The following AK7 variants were observed in gnomAD, a reference collection of about 807,000 sequenced individuals.
AK7 encodes the protein ATP-AMP transphosphorylase 7.
Under a neutral mutation model 96.6 loss-of-function variants are expected in AK7, and 78 were observed. That is an observed-to-expected ratio of 0.81 (90% CI 0.67 to 0.97). AK7 has a LOEUF of 0.97. Ranked by LOEUF, AK7 falls within the 50% of genes least tolerant of loss-of-function variation. The pLI, the probability that AK7 is intolerant of heterozygous loss-of-function variation, is 0.00. For missense variants in AK7, 855 were observed against 887.9 expected, an observed-to-expected ratio of 0.96 and a Z score of 0.47; for synonymous variants, 302 against 317.2, an observed-to-expected ratio of 0.95 and a Z score of 0.51.
chr14:96,425,203 C>T (rs1017273590), intron 5 of AK7, among the ~76,000 whole-genome samples: 1 of 152,092 alleles, frequency 6.6e-6, no homozygotes, highest in African/African-American at 2.4e-5. Flanking sequence ...CAGTTAGATC[C>T]GATTATGGCC....
At chr14:96,487,780 T>C (rs900181212) in intron 17 of AK7, among the ~76,000 whole-genome samples, 1 of 152,168 alleles carries the variant, frequency 6.6e-6, no homozygotes, top group East Asian at 1.9e-4. Context: ...ATTATGTTTC[T>C]GGTTCTTTGG....
intron 7 of AK7, 96 bp downstream of exon 7, chr14:96,442,914 C>T (rs1439924370): frequency 4.7e-6 from 5 of 1,072,214 alleles, no homozygotes; most frequent in Admixed American, 3.6e-5. Flanking sequence ...TGCTAAGACC[C>T]TTACATGGAT....
chr14:96,472,605 C>T, intron 13 of AK7, 82 bp from the exon 14 acceptor site: 2 of 1,060,126 alleles, frequency 1.9e-6, no homozygotes, highest in Non-Finnish European at 2.8e-6. Flanking sequence ...GTGCTTGCTA[C>T]TTAAGATATT....
chr14:96,483,294 C>T lies in AK7; in HGVS notation c.1974+75C>T, dbSNP rs1895607782. On this transcript the variant is annotated intron_variant, in intron 16 of 17. Coordinates refer to ENST00000267584, the MANE Select transcript of AK7 (RefSeq NM_152327.5). ...CGGTGCCTGGCAAAGCCATTTAGGC[C>T]AGTTCCACTTCCCATCCTGCTCTAG... The T allele has an allele frequency of 3.5e-6, 5 of 1,423,926 alleles. No individual in the cohort carries two copies. The South Asian group carries it at 6.5e-5, about 18-fold the overall frequency. The allele number at this position is 1,423,926 out of a possible 1,614,324, so 88.2% of individuals were successfully genotyped here.
At chr14:96,461,294 A>G (rs1028310510) in intron 12 of AK7, among the ~76,000 whole-genome samples, 1 of 152,218 alleles carries the variant, frequency 6.6e-6, no homozygotes, top group African/African-American at 2.4e-5. Context: ...CTACAAAAAA[A>G]AGTCTAGCAG....
intron 14 of AK7, among the ~76,000 whole-genome samples, chr14:96,477,009 C>A (rs1895223646): frequency 6.6e-6 from 1 of 152,180 alleles, no homozygotes; most frequent in Non-Finnish European, 1.5e-5. Flanking sequence ...TGTTGACATC[C>A]TTTTGATTTC....
At chr14:96,482,224 CCT>C in intron 15 of AK7, among the ~76,000 whole-genome samples, 1 of 151,732 alleles carries the variant, frequency 6.6e-6, no homozygotes, top group South Asian at 2.1e-4. Flanking sequence ...ATGGGGAGAC[CCT>C]GTCTCTATAA....
In AK7 at chr14:96,404,356, C is replaced by T. The variant is rs1310522161; in HGVS notation, c.295-401C>T. Among the ~76,000 whole-genome samples the T allele has an allele frequency of 2.0e-5, 3 of 152,168 alleles. No homozygotes were observed. The East Asian group carries it at 5.8e-4, about 29-fold the overall frequency. On this transcript the variant is annotated intron_variant, in intron 2 of 17. Coordinates refer to ENST00000267584, the MANE Select transcript of AK7 (RefSeq NM_152327.5). ...TGAGAATTCTATGACAATCCACATTCATCATTCATCAGCACTTCTGAGTGA... is the reference window on the plus strand; with the variant it reads ...TGAGAATTCTATGACAATCCACATTTATCATTCATCAGCACTTCTGAGTGA...
intron 5 of AK7, among the ~76,000 whole-genome samples, chr14:96,426,539 A>C (rs1892039478): frequency 6.6e-6 from 1 of 152,128 alleles, no homozygotes; most frequent in Non-Finnish European, 1.5e-5. Flanking sequence ...ATTGTTCATT[A>C]ATGTCTTTTT....
At chr14:96,423,891 G>A in intron 5 of AK7, 2 of 988,586 alleles carry the variant, frequency 2.0e-6, no homozygotes, top group Non-Finnish European at 1.6e-6. Context: ...GGGAGACCCC[G>A]AGCCCACATA....
chr14:96,461,131 A>C (rs925776027), intron 12 of AK7, among the ~76,000 whole-genome samples: 8 of 152,210 alleles, frequency 5.3e-5, no homozygotes, highest in Non-Finnish European at 8.8e-5. Flanking sequence ...CTGCCTTCCC[A>C]TAAGACATTT....
rs1895935279 is a variant in AK7, at chr14:96,489,159, A to G, written c.*816A>G. ...TAATGTAACCTAATATAACTGCCCG[A>G]CTTTTTATTTGTGCTAAAATACATG... On this transcript the variant is annotated 3_prime_UTR_variant, in exon 18 of 18. Transcript: ENST00000267584. 6.6e-6 allele frequency: 1 copy of G among 152,216 alleles called. No homozygotes were observed. Among genetic ancestry groups the G allele is most frequent in the Admixed American group, 6.5e-5 (1 of 15,276 alleles). The allele number at this position is 152,216 out of a possible 1,614,324, so 9.4% of individuals were successfully genotyped here. A position where few individuals can be genotyped will look rare whatever the true frequency, so the allele number is the denominator to read the frequency against.
At chr14:96,412,654 C>G (rs941573628) in intron 4 of AK7, among the ~76,000 whole-genome samples, 1 of 151,888 alleles carries the variant, frequency 6.6e-6, no homozygotes, top group Admixed American at 6.6e-5. Context: ...CAGCCTCCAC[C>G]TCCCAGGTTC....
intron 5 of AK7, chr14:96,424,243 G>A: frequency 2.3e-6 from 1 of 440,296 alleles, no homozygotes; most frequent in Non-Finnish European, 4.1e-6. Flanking sequence ...GCGCGCAGCC[G>A]GGAGTGCCGC....
intron 6 of AK7, 94 bp from the exon 7 acceptor site, chr14:96,442,636 C>A (rs1338003067): frequency 1.1e-6 from 1 of 923,622 alleles, no homozygotes; most frequent in Non-Finnish European, 1.8e-6. Flanking sequence ...GATAGCTAGG[C>A]CTTTCAGTTG....
At chr14:96,406,377 C>T (rs1457665553) in intron 3 of AK7, among the ~76,000 whole-genome samples, 1 of 152,240 alleles carries the variant, frequency 6.6e-6, no homozygotes, top group East Asian at 1.9e-4. Context: ...CAAGCTTTGA[C>T]ACTGCATTTC....
intron 4 of AK7, among the ~76,000 whole-genome samples, chr14:96,415,766 A>G (rs1456182065): frequency 6.9e-6 from 1 of 145,382 alleles, no homozygotes; most frequent in East Asian, 1.9e-4. Context: ...TTAATACATT[A>G]ATTAATTAAA....
chr14:96,396,335 G>A (rs985776169), intron 1 of AK7, among the ~76,000 whole-genome samples: 1 of 152,162 alleles, frequency 6.6e-6, no homozygotes, highest in Non-Finnish European at 1.5e-5. Context: ...GGGAATATGA[G>A]GAATATAAGA....
At chr14:96,415,728 T>TTTTAATACATTAATTAAATTAATTAA (rs1219787682) in intron 4 of AK7, among the ~76,000 whole-genome samples, 24 of 111,258 alleles carry the variant, frequency 2.2e-4, no homozygotes, top group East Asian at 8.5e-4. Flanking sequence ...TATTAATAAA[T>TTTTAATACATTAATTAAATTAATTAA]TTTAATACAT....
Sources: gnomAD v4.1 joint callset for allele counts (sites outside exome capture counted in the v4.1 genomes callset) on GRCh38, gnomAD v4.1.1 for gene constraint, MANE v1.5 for transcripts, NCBI Gene and HGNC (gene_info 2026-07-23, HGNC 2026-07-21) for gene names.